The following TFAP2E variants were observed in gnomAD, a reference collection of about 807,000 sequenced individuals.
TFAP2E encodes transcription factor AP-2-epsilon.
A neutral mutation model predicts 37.9 loss-of-function variants in TFAP2E; 30 were observed. The ratio of observed to expected loss-of-function variants is 0.79; its 90% CI spans 0.59 to 1.07. The LOEUF is 1.07. Ranked by LOEUF, TFAP2E falls within the 50% of genes least tolerant of loss-of-function variation. The pLI is 0.00. For missense variants in TFAP2E, 567 were observed against 637.9 expected (o/e 0.89, Z 1.20); for synonymous variants, 318 against 295.8 (o/e 1.08, Z -0.77).
rs1177600127 is a variant in TFAP2E at position 35,577,404 on chromosome 1, C to G, written c.562+2404C>G. 2 of 456,834 alleles carry G rather than the reference C, an allele frequency of 4.4e-6. No homozygotes were observed. The highest frequency in any genetic ancestry group is 3.1e-5 in the South Asian group (2 of 64,578). The allele number at this position is 456,834 out of a possible 1,614,324, so 28.3% of individuals were successfully genotyped here. A position where few individuals can be genotyped will look rare whatever the true frequency, so the allele number is the denominator to read the frequency against. On this transcript the variant is annotated intron_variant, in intron 3 of 6. Transcript: ENST00000373235. This position sits in a 1 kb window ranked among gnomAD's most constrained non-coding sequence, Gnocchi z 6.3. ...AATTAGCGCCCTCCTTCGTCCTCGG[C>G]CCTTCCGACGGCACGAGGAACTCCT...
At chr1:35,584,907 G>A (rs1280568387) in intron 3 of TFAP2E, among the ~76,000 whole-genome samples, 2 of 152,098 alleles carry the variant, frequency 1.3e-5, no homozygotes, top group African/African-American at 2.4e-5. Context: ...AGTTCAGTTC[G>A]GGTTCCCAGA....
intron 6 of TFAP2E, among the ~76,000 whole-genome samples, chr1:35,593,213 C>T (rs1294349880): frequency 1.3e-5 from 2 of 152,046 alleles, no homozygotes; most frequent in East Asian, 3.9e-4. Flanking sequence ...TGATGGTGCG[C>T]ACCTGTAGTC....
rs1351354314 is a variant in TFAP2E at position 35,590,049 on chromosome 1, G to A, written c.904+1G>A. Reference sequence around the variant, plus strand: ...ACGCTGCTGACTTCGCTAGTGGAAGGTGAGTGAGGCCTGAAGGTGGGCATG... The same window carrying A: ...ACGCTGCTGACTTCGCTAGTGGAAGATGAGTGAGGCCTGAAGGTGGGCATG... On this transcript the variant is annotated splice_donor_variant, in intron 5 of 6. Transcript: ENST00000373235. LOFTEE classifies it high-confidence loss of function. This position sits in a 1 kb window ranked among gnomAD's most constrained non-coding sequence, Gnocchi z 6.2. 6.2e-7 allele frequency: 1 copy of A among 1,613,848 alleles called. No individual in the cohort carries two copies. Among genetic ancestry groups the A allele is most frequent in the Non-Finnish European group, 8.5e-7 (1 of 1,179,842 alleles).
chr1:35,588,304 G>A lies in TFAP2E; in HGVS notation c.563-26G>A, dbSNP rs779130061. ...GTGGGGCTGTGTGCGGCAGCCACTGGCTCAGCGTTTCCCTCTTCTCCACAG... is the reference window on the plus strand; with the variant it reads ...GTGGGGCTGTGTGCGGCAGCCACTGACTCAGCGTTTCCCTCTTCTCCACAG... On this transcript the variant is annotated intron_variant, in intron 3 of 6. Transcript: ENST00000373235. This position sits in a 1 kb window ranked among gnomAD's most constrained non-coding sequence, Gnocchi z 5.1. 1.3e-6 allele frequency: 2 copies of A among 1,585,258 alleles called. No homozygotes were observed. Among genetic ancestry groups the A allele is most frequent in the South Asian group, 2.3e-5 (2 of 88,672 alleles).
chr1:35,591,193 A>G lies in TFAP2E; in HGVS notation c.1046+418A>G, dbSNP rs142532892. 2.6e-5 allele frequency among the ~76,000 whole-genome samples: 4 copies of G among 152,294 alleles called. No homozygotes were observed. In the East Asian group the frequency reaches 7.7e-4, roughly 29 times the overall value. On this transcript the variant is annotated intron_variant, in intron 6 of 6. Coordinates refer to ENST00000373235, the MANE Select transcript of TFAP2E (RefSeq NM_178548.4). ...TTTGGGCATCATGTTTATCACTCAG[A>G]CATACATGAACACTCTTCACAAGCT...
chr1:35,586,665 A>ATGTGGTGATGGATGGGG lies in TFAP2E; in HGVS notation c.563-1648_563-1632dup, dbSNP rs982484852. Among the ~76,000 whole-genome samples the ATGTGGTGATGGATGGGG allele has an allele frequency of 1.6e-4, 24 of 151,892 alleles. 1 individual carries two copies. The highest frequency in any genetic ancestry group is 1.6e-3 in the Admixed American group (24 of 15,224). ...GCTGTAGGATCTAGTGATGGATGGG[A>ATGTGGTGATGGATGGGG]TGTGGTGATGGATGGGGTGTGGTGA... On this transcript the variant is annotated intron_variant, in intron 3 of 6. Coordinates refer to ENST00000373235, the MANE Select transcript of TFAP2E (RefSeq NM_178548.4).
intron 3 of TFAP2E, among the ~76,000 whole-genome samples, chr1:35,579,222 C>G (rs1188603465): frequency 6.6e-6 from 1 of 151,112 alleles, no homozygotes; most frequent in African/African-American, 2.4e-5. Context: ...ATGGTGAAAC[C>G]CCGTTTCTAC....
At chr1:35,580,982 G>C (rs1649336312) in intron 3 of TFAP2E, among the ~76,000 whole-genome samples, 1 of 152,094 alleles carries the variant, frequency 6.6e-6, no homozygotes, top group South Asian at 2.1e-4. Context: ...CCATTTTGAG[G>C]CATTTCTGCC....
chr1:35,582,767 C>A (rs903287861), intron 3 of TFAP2E, among the ~76,000 whole-genome samples: 2 of 152,016 alleles, frequency 1.3e-5, no homozygotes, highest in East Asian at 3.8e-4. Context: ...TCAAGTGATC[C>A]CCCTGCCTGA....
chr1:35,582,745 G>A (rs192291806), intron 3 of TFAP2E, among the ~76,000 whole-genome samples: 11 of 151,784 alleles, frequency 7.2e-5, no homozygotes, highest in African/African-American at 2.4e-5. Context: ...CTGCACCCTC[G>A]AACTCCTGAA....
At chr1:35,589,606 G>A (rs138239329) in intron 4 of TFAP2E, among the ~76,000 whole-genome samples, 2,785 of 152,074 alleles carry the variant, frequency 0.018, 102 homozygotes, top group African/African-American at 0.063. Context: ...ATAGGTCTGT[G>A]TATCCCCTGG....
chr1:35,573,778 T>G lies in TFAP2E; in HGVS notation c.28-149T>G, dbSNP rs1438597449. ...ACCGCTGTCCCCAGCCTGAGGCTCCTGCGCCCGCGGGTGGCTCGGAAATAA... is the reference window on the plus strand; with the variant it reads ...ACCGCTGTCCCCAGCCTGAGGCTCCGGCGCCCGCGGGTGGCTCGGAAATAA... On this transcript the variant is annotated intron_variant, in intron 1 of 6. Transcript: ENST00000373235. This position sits in a 1 kb window ranked among gnomAD's most constrained non-coding sequence, Gnocchi z 5.9. The G allele has an allele frequency of 7.3e-7, 1 of 1,371,726 alleles. No individual in the cohort carries two copies. Among genetic ancestry groups the G allele is most frequent in the African/African-American group, 1.5e-5 (1 of 65,284 alleles). The allele number at this position is 1,371,726 out of a possible 1,614,324, so 85.0% of individuals were successfully genotyped here.
chr1:35,579,073 C>A (rs145282565), intron 3 of TFAP2E, among the ~76,000 whole-genome samples: 1,232 of 70,582 alleles, frequency 0.017, 29 homozygotes, highest in African/African-American at 0.072. Flanking sequence ...CAGAGGGAGA[C>A]TATCTCAAAA....
chr1:35,595,044 A>C lies in TFAP2E; in HGVS notation c.*368A>C. The C allele has an allele frequency of 3.7e-6, 1 of 268,106 alleles. No individual in the cohort carries two copies. The highest frequency in any genetic ancestry group is 1.2e-3 in the Middle Eastern group (1 of 806). 16.6% of individuals were successfully genotyped at this position (268,106 alleles called of 1,614,324 possible). ...AGAGGCCAAAGCCTTTGTGTTTTTCACTGGTGGCAGGAGGAAAATTGATAA... is the reference window on the plus strand; with the variant it reads ...AGAGGCCAAAGCCTTTGTGTTTTTCCCTGGTGGCAGGAGGAAAATTGATAA... On this transcript the variant is annotated 3_prime_UTR_variant, in exon 7 of 7. Coordinates refer to ENST00000373235, the MANE Select transcript of TFAP2E (RefSeq NM_178548.4).
In TFAP2E at chr1:35,588,491, C is replaced by G. The variant is rs1325011377; in HGVS notation, c.724C>G (p.Gln242Glu). ...SKYKVTVGEV[Q>E]RRLSPPECLN... ...GTACAAGGTGACGGTGGGGGAGGTG[C>G]AGCGGCGACTCTCGCCTCCCGAGTG... The change falls in exon 4 of 7, where the codon CAG (glutamine) becomes GAG (glutamate). Residue 242 changes from glutamine (Q) to glutamate (E), a missense_variant. By Grantham distance (29) the Gln-to-Glu change is conservative. Transcript: ENST00000373235. This position sits in a 1 kb window ranked among gnomAD's most constrained non-coding sequence, Gnocchi z 5.1. 11 of 1,607,890 alleles carry G rather than the reference C, an allele frequency of 6.8e-6. No homozygotes were observed. Among genetic ancestry groups the G allele is most frequent in the Non-Finnish European group, 9.3e-6 (11 of 1,178,378 alleles).
rs141409187 is a variant in TFAP2E, at chr1:35,589,341, G to A, written c.786-589G>A. Reference sequence around the variant, plus strand: ...TAGGGGTTATCTCCTTACTCCTAGCGTCTTGGAGGATCTCTGTGAGTCCCT... The same window carrying A: ...TAGGGGTTATCTCCTTACTCCTAGCATCTTGGAGGATCTCTGTGAGTCCCT... On this transcript the variant is annotated intron_variant, in intron 4 of 6. Transcript: ENST00000373235. Among the ~76,000 whole-genome samples, 685 of 151,910 alleles carry A rather than the reference G, an allele frequency of 4.5e-3. 2 individuals are homozygous for A. The highest frequency in any genetic ancestry group is 7.5e-3 in the Non-Finnish European group (509 of 67,946).
At position 35,588,681 on chromosome 1, in the gene TFAP2E, C is replaced by G. The variant is rs530395940; in HGVS notation, c.785+129C>G. 5 of 989,514 alleles carry G rather than the reference C, an allele frequency of 5.1e-6. No homozygotes were observed. The Admixed American group carries it at 1.5e-4, about 29-fold the overall frequency. The allele number at this position is 989,514 out of a possible 1,614,324, so 61.3% of individuals were successfully genotyped here. A position where few individuals can be genotyped will look rare whatever the true frequency, so the allele number is the denominator to read the frequency against. On this transcript the variant is annotated intron_variant, in intron 4 of 6. Coordinates refer to ENST00000373235, the MANE Select transcript of TFAP2E (RefSeq NM_178548.4). The surrounding 1 kb of genome is among the most constrained non-coding windows in gnomAD (Gnocchi z 5.1). ...TCAGTCTCCCTGGGAGGGGAGGCCCCGGGGACTCTGGATTGTGCATGTTGT... is the reference window on the plus strand; with the variant it reads ...TCAGTCTCCCTGGGAGGGGAGGCCCGGGGGACTCTGGATTGTGCATGTTGT...
In TFAP2E at chr1:35,590,299, GGTGTGGGT is replaced by G. The variant is rs1236507494; in HGVS notation, c.904+265_904+272del. On this transcript the variant is annotated intron_variant, in intron 5 of 6. Transcript: ENST00000373235. This position sits in a 1 kb window ranked among gnomAD's most constrained non-coding sequence, Gnocchi z 6.2. ...GTGTGCGGATGTGTATGTGGGTGTG[GGTGTGGGT>G]GTGTGGGTGTGTGTGTTGGCGGGGA... 6.6e-6 allele frequency among the ~76,000 whole-genome samples: 1 copy of G among 151,998 alleles called. No homozygotes were observed. The highest frequency in any genetic ancestry group is 2.4e-5 in the African/African-American group (1 of 41,366).
At position 35,573,407 on chromosome 1, in the gene TFAP2E, A is replaced by C; in HGVS notation, c.-171A>C. ...CCTGCCTCCATGGACCCGCCCGGGA[A>C]CGGCCACCGCTGAGGACCCCACGCC... On this transcript the variant is annotated 5_prime_UTR_variant, in exon 1 of 7. Coordinates refer to ENST00000373235, the MANE Select transcript of TFAP2E (RefSeq NM_178548.4). This position sits in a 1 kb window ranked among gnomAD's most constrained non-coding sequence, Gnocchi z 5.9. 2.4e-6 allele frequency: 2 copies of C among 823,098 alleles called. No homozygotes were observed. Among genetic ancestry groups the C allele is most frequent in the Non-Finnish European group, 1.7e-6 (1 of 582,986 alleles). The allele number at this position is 823,098 out of a possible 1,614,324, so 51.0% of individuals were successfully genotyped here.
Sources: allele counts gnomAD v4.1 joint callset (sites outside exome capture counted in the v4.1 genomes callset), GRCh38; gene constraint gnomAD v4.1.1; non-coding constraint Gnocchi (gnomAD v3.1); transcripts MANE v1.5; gene names NCBI Gene and HGNC (gene_info 2026-07-23, HGNC 2026-07-21).